RB1: variants seen among roughly 807,000 people sequenced by gnomAD.
The protein encoded by RB1 is retinoblastoma-associated protein.
RB1 carries 18 observed loss-of-function variants against 135.4 expected under a neutral mutation model. That is an observed-to-expected ratio of 0.13 (90% CI 0.09 to 0.20). The LOEUF is 0.20. Ranked by LOEUF, RB1 falls within the 10% of genes least tolerant of loss-of-function variation. RB1 has a pLI of 1.00. For missense variants in RB1, 868 were observed against 1,110.0 expected (o/e 0.78, Z 3.10); for synonymous variants, 365 against 373.2 (o/e 0.98, Z 0.25).
At chr13:48,404,790 G>A (rs1196715123) in intron 17 of RB1, among the ~76,000 whole-genome samples, 2 of 152,076 alleles carry the variant, frequency 1.3e-5, no homozygotes, top group East Asian at 3.9e-4. Context: ...CTCCCAAAGT[G>A]CTGGAATTAT....
intron 17 of RB1, among the ~76,000 whole-genome samples, chr13:48,430,084 C>A (rs1417196841): frequency 6.6e-6 from 1 of 152,092 alleles, no homozygotes; most frequent in Admixed American, 6.5e-5. Context: ...AGAAAAAAAT[C>A]CCCTCCTAAT....
intron 17 of RB1, among the ~76,000 whole-genome samples, chr13:48,405,638 C>T (rs956218163): frequency 6.6e-6 from 1 of 152,088 alleles, no homozygotes; most frequent in African/African-American, 2.4e-5. Context: ...GCCTGCAAAC[C>T]GAAAATATTT....
chr13:48,384,241 A>G (rs1368530223), intron 17 of RB1, among the ~76,000 whole-genome samples: 3 of 152,130 alleles, frequency 2.0e-5, no homozygotes, highest in East Asian at 3.8e-4. Flanking sequence ...AGATGAAACT[A>G]TAGAGGACTT....
chr13:48,433,994 G>A (rs950920951), intron 17 of RB1, among the ~76,000 whole-genome samples: 10 of 151,736 alleles, frequency 6.6e-5, no homozygotes, highest in Admixed American at 2.0e-4. Flanking sequence ...AAAGTGCTGG[G>A]ATTATAGGCA....
At position 48,307,425 on chromosome 13, in the gene RB1, C is replaced by T. The variant is rs768676562; in HGVS notation, c.264+19C>T. 5 of 1,609,450 alleles carry T rather than the reference C, an allele frequency of 3.1e-6. No individual in the cohort carries two copies. Among genetic ancestry groups the T allele is most frequent in the Admixed American group, 3.4e-5 (2 of 59,588 alleles). Reference sequence around the variant, plus strand: ...AGTATTGGTAAGGATTTTCTTAAAACGTTTTGAAATTTTTTTTTCTCATTT... The same window carrying T: ...AGTATTGGTAAGGATTTTCTTAAAATGTTTTGAAATTTTTTTTTCTCATTT... On this transcript the variant is annotated intron_variant, in intron 2 of 26. Transcript: ENST00000267163.
chr13:48,456,460 T>A (rs1318927703), intron 19 of RB1, 111 bp downstream of exon 19: 20 of 1,408,406 alleles, frequency 1.4e-5, no homozygotes, highest in Non-Finnish European at 1.9e-5. Flanking sequence ...ACTTAATATC[T>A]CTGTGTCTCA....
chr13:48,363,097 G>GA (rs1952658307), intron 8 of RB1, 140 bp downstream of exon 8: 1 of 1,048,848 alleles, frequency 9.5e-7, no homozygotes, highest in Non-Finnish European at 1.4e-6. Context: ...AAAATATTTA[G>GA]AAAAAATTAA....
At chr13:48,329,087 A>G (rs1952312047) in intron 2 of RB1, among the ~76,000 whole-genome samples, 1 of 152,346 alleles carries the variant, frequency 6.6e-6, no homozygotes, top group Middle Eastern at 3.4e-3. Flanking sequence ...TCAACTATAA[A>G]CATTTAATCA....
At chr13:48,317,077 A>G in intron 2 of RB1, 1 of 827,130 alleles carries the variant, frequency 1.2e-6, no homozygotes, top group Non-Finnish European at 1.7e-6. Context: ...CTGCTTGGCC[A>G]GGGCCCGCCG....
chr13:48,334,407 A>G (rs1279499251), intron 2 of RB1, among the ~76,000 whole-genome samples: 1 of 152,184 alleles, frequency 6.6e-6, no homozygotes, highest in African/African-American at 2.4e-5. Context: ...TAAGGAGGAA[A>G]TCTAGGAGCA....
chr13:48,342,511 G>GA lies in RB1; in HGVS notation c.265-82dup, dbSNP rs1400050323. The GA allele has an allele frequency of 5.9e-6, 5 of 844,922 alleles. No individual in the cohort carries two copies. The African/African-American group carries it at 8.4e-5, about 14-fold the overall frequency. 52.3% of individuals were successfully genotyped at this position (844,922 alleles called of 1,614,324 possible). On this transcript the variant is annotated intron_variant, in intron 2 of 26. Coordinates refer to ENST00000267163, the MANE Select transcript of RB1 (RefSeq NM_000321.3). Reference sequence around the variant, plus strand: ...AACATTTATTTTGTATGCTGAATAAGAAAAAATCAGTTATAATACAGTTTT... The same window carrying GA: ...AACATTTATTTTGTATGCTGAATAAGAAAAAAATCAGTTATAATACAGTTTT...
At chr13:48,416,062 C>T (rs1948903631) in intron 17 of RB1, among the ~76,000 whole-genome samples, 1 of 152,180 alleles carries the variant, frequency 6.6e-6, no homozygotes, top group Admixed American at 6.5e-5. Flanking sequence ...ACTTCTGGAA[C>T]TTAACTCTGA....
In RB1 at chr13:48,312,643, C is replaced by G. The variant is rs758175324; in HGVS notation, c.264+5237C>G. Among the ~76,000 whole-genome samples the G allele has an allele frequency of 2.7e-4, 41 of 152,228 alleles. 1 individual carries two copies. The highest frequency in any genetic ancestry group is 1.0e-4 in the Non-Finnish European group (7 of 68,024). On this transcript the variant is annotated intron_variant, in intron 2 of 26. Coordinates refer to ENST00000267163, the MANE Select transcript of RB1 (RefSeq NM_000321.3). ...TATTTTAAACCTATCCGTTCAGTCT[C>G]AAGTTATCTTTTTGCATTGCCTCTC...
intron 2 of RB1, among the ~76,000 whole-genome samples, chr13:48,333,966 A>G (rs1337133240): frequency 1.3e-5 from 2 of 152,154 alleles, no homozygotes; most frequent in Non-Finnish European, 2.9e-5. Context: ...TGACAGGTTT[A>G]TGAACTGAGT....
chr13:48,339,493 T>C (rs1157240129), intron 2 of RB1, among the ~76,000 whole-genome samples: 1 of 152,196 alleles, frequency 6.6e-6, no homozygotes. Context: ...TATAATCTCC[T>C]GGTGTGCTGT....
intron 17 of RB1, among the ~76,000 whole-genome samples, chr13:48,444,221 A>C (rs1433975386): frequency 6.6e-6 from 1 of 152,170 alleles, no homozygotes; most frequent in Non-Finnish European, 1.5e-5. Context: ...GGAGCTGCTC[A>C]CAAAACTCAA....
At chr13:48,341,862 T>C (rs2138082382) in intron 2 of RB1, among the ~76,000 whole-genome samples, 1 of 152,134 alleles carries the variant, frequency 6.6e-6, no homozygotes, top group East Asian at 1.9e-4. Flanking sequence ...TAATGAACAT[T>C]AATTTGACAT....
chr13:48,305,022 A>G (rs575578294), intron 1 of RB1, among the ~76,000 whole-genome samples: 104 of 152,280 alleles, frequency 6.8e-4, no homozygotes, highest in African/African-American at 2.4e-3. Flanking sequence ...TTGTATTACA[A>G]CATCTTACTT....
intron 2 of RB1, among the ~76,000 whole-genome samples, chr13:48,321,840 G>A (rs1219229299): frequency 1.3e-5 from 2 of 151,984 alleles, no homozygotes; most frequent in Non-Finnish European, 2.9e-5. Context: ...TGGACGACAG[G>A]AGTGAAACTG....
Sources: gnomAD v4.1 joint callset for allele counts (sites outside exome capture counted in the v4.1 genomes callset) on GRCh38, gnomAD v4.1.1 for gene constraint, MANE v1.5 for transcripts, NCBI Gene and HGNC (gene_info 2026-07-23, HGNC 2026-07-21) for gene names.